KAZN: variants seen among roughly 807,000 people sequenced by gnomAD.
KAZN encodes the protein kazrin.
In KAZN, 40 loss-of-function variants were observed where a neutral mutation model predicts 87.4. The observed-to-expected ratio is 0.46, with a 90% CI of 0.36 to 0.60. The LOEUF (loss-of-function observed/expected upper bound fraction) is 0.60. KAZN is among the 20% of genes least tolerant of loss of function. The pLI, the probability that KAZN is intolerant of heterozygous loss-of-function variation, is 0.00. For missense variants in KAZN, 898 were observed against 1,073.9 expected, an observed-to-expected ratio of 0.84 and a Z score of 2.29; for synonymous variants, 466 against 458.3, an observed-to-expected ratio of 1.02 and a Z score of -0.22.
At chr1:15,001,524 T>G (rs554378606) in intron 2 of KAZN, among the ~76,000 whole-genome samples, 1 of 151,632 alleles carries the variant, frequency 6.6e-6, no homozygotes, top group Admixed American at 6.6e-5. Context: ...AGTTTCCTCA[T>G]CCTTAAAAGG....
chr1:14,342,581 T>C (rs895081031), intron 2 of KAZN, among the ~76,000 whole-genome samples: 4 of 152,208 alleles, frequency 2.6e-5, no homozygotes, highest in African/African-American at 7.2e-5. Flanking sequence ...TGCTATGAGA[T>C]AATTGGCACT....
chr1:14,081,846 G>A (rs1486538074), intron 1 of KAZN, among the ~76,000 whole-genome samples: 1 of 152,102 alleles, frequency 6.6e-6, no homozygotes, highest in African/African-American at 2.4e-5. Context: ...TTAACCTTCC[G>A]GGCTAGATCA....
At chr1:14,443,188 G>A (rs187974824) in intron 2 of KAZN, among the ~76,000 whole-genome samples, 90 of 152,268 alleles carry the variant, frequency 5.9e-4, no homozygotes, top group African/African-American at 1.5e-3. Flanking sequence ...GTTTTATTTT[G>A]TATTGTTTTG....
intron 2 of KAZN, among the ~76,000 whole-genome samples, chr1:14,970,145 AT>A (rs1157716964): frequency 6.6e-6 from 1 of 152,194 alleles, no homozygotes; most frequent in Non-Finnish European, 1.5e-5. Context: ...ATTAATAATC[AT>A]CATCATTTAA....
chr1:14,309,717 G>C (rs886196112), intron 2 of KAZN, among the ~76,000 whole-genome samples: 2 of 151,964 alleles, frequency 1.3e-5, no homozygotes, highest in Non-Finnish European at 2.9e-5. Flanking sequence ...CACACCACTA[G>C]GCTCATGCCC....
At chr1:15,103,987 C>T (rs993013051) in intron 12 of KAZN, 36 bp from the exon 13 acceptor site, 1 of 1,599,366 alleles carries the variant, frequency 6.3e-7, no homozygotes, top group Non-Finnish European at 8.5e-7. Flanking sequence ...CAGCATGGCC[C>T]CTGCAGGCTA....
chr1:14,268,468 T>G (rs1651666725), intron 2 of KAZN, among the ~76,000 whole-genome samples: 1 of 135,332 alleles, frequency 7.4e-6, no homozygotes, highest in African/African-American at 2.6e-5. Flanking sequence ...TTTGACACTG[T>G]GTTAAAAAAA....
chr1:14,696,305 G>T (rs1641598826), intron 1 of KAZN, among the ~76,000 whole-genome samples: 1 of 152,206 alleles, frequency 6.6e-6, no homozygotes, highest in Non-Finnish European at 1.5e-5. Flanking sequence ...TAACAGATTG[G>T]CATAGGCAAT....
intron 2 of KAZN, among the ~76,000 whole-genome samples, chr1:14,395,748 T>C (rs919778339): frequency 2.0e-5 from 3 of 152,026 alleles, no homozygotes; most frequent in Non-Finnish European, 4.4e-5. Flanking sequence ...GCAACAAGAC[T>C]CGCGCTGAGT....
At chr1:14,686,130 G>A (rs192363807) in intron 1 of KAZN, among the ~76,000 whole-genome samples, 33 of 152,242 alleles carry the variant, frequency 2.2e-4, no homozygotes, top group Admixed American at 5.2e-4. Context: ...GTGCAGTGGC[G>A]TGATCTCAGC....
chr1:14,181,628 C>T (rs1379292083), intron 2 of KAZN, among the ~76,000 whole-genome samples: 1 of 152,220 alleles, frequency 6.6e-6, no homozygotes, highest in African/African-American at 2.4e-5. Flanking sequence ...TATGCAAAGC[C>T]TTTCATTCCT....
intron 8 of KAZN, among the ~76,000 whole-genome samples, chr1:15,083,539 A>G (rs897271409): frequency 2.0e-5 from 3 of 152,216 alleles, no homozygotes; most frequent in Non-Finnish European, 4.4e-5. Context: ...CAGGCACTGT[A>G]CGGTTTGGTA....
intron 2 of KAZN, among the ~76,000 whole-genome samples, chr1:14,407,292 T>C (rs1436517764): frequency 6.6e-6 from 1 of 152,200 alleles, no homozygotes; most frequent in Non-Finnish European, 1.5e-5. Context: ...GATAGACAAG[T>C]ATTTAATTTT....
At chr1:14,701,997 G>A (rs116799173) in intron 1 of KAZN, among the ~76,000 whole-genome samples, 4,570 of 152,126 alleles carry the variant, frequency 0.03, 104 homozygotes, top group Middle Eastern at 0.072. Context: ...TTACTGGAGC[G>A]GAGGCCCCTT....
chr1:14,928,865 G>A (rs1659473742), intron 1 of KAZN, among the ~76,000 whole-genome samples: 1 of 152,162 alleles, frequency 6.6e-6, no homozygotes, highest in Non-Finnish European at 1.5e-5. Flanking sequence ...CTGTGGTCCG[G>A]CACCCTCTGC....
intron 2 of KAZN, among the ~76,000 whole-genome samples, chr1:14,457,641 CA>C (rs534409721): frequency 6.6e-6 from 1 of 152,002 alleles, no homozygotes; most frequent in Admixed American, 6.6e-5. Context: ...GGAAAAAAAT[CA>C]AACTGAAATT....
intron 1 of KAZN, among the ~76,000 whole-genome samples, chr1:13,987,359 C>T (rs1315569410): frequency 6.6e-6 from 1 of 152,100 alleles, no homozygotes; most frequent in East Asian, 1.9e-4. Flanking sequence ...GTGTGATGTT[C>T]CCCTCCCTGT....
At chr1:14,020,830 C>T in intron 1 of KAZN, among the ~76,000 whole-genome samples, 1 of 152,138 alleles carries the variant, frequency 6.6e-6, no homozygotes, top group East Asian at 1.9e-4. Flanking sequence ...CTGGAATTCT[C>T]AAAACAGTAG....
At chr1:13,910,290 C>T (rs1481773188) in intron 1 of KAZN, among the ~76,000 whole-genome samples, 5 of 151,956 alleles carry the variant, frequency 3.3e-5, no homozygotes, top group South Asian at 4.2e-4. Context: ...GAGTGGATCA[C>T]GAGGTCAGGA....
Sources: gnomAD v4.1 joint callset for allele counts (sites outside exome capture counted in the v4.1 genomes callset) on GRCh38, gnomAD v4.1.1 for gene constraint, MANE v1.5 for transcripts, NCBI Gene and HGNC (gene_info 2026-07-23, HGNC 2026-07-21) for gene names.